The following C12orf42 variants were observed in gnomAD, a reference collection of about 807,000 sequenced individuals.
The protein encoded by C12orf42 is uncharacterized protein C12orf42.
A neutral mutation model predicts 21.6 loss-of-function variants in C12orf42; 25 were observed. The observed-to-expected ratio is 1.16, with a 90% confidence interval of 0.84 to 1.62. C12orf42 has a LOEUF of 1.62. Ranked by LOEUF, C12orf42 falls within the 40% of genes most tolerant of loss-of-function variation. C12orf42 has a pLI of 0.00. For missense variants in C12orf42, 483 were observed against 459.3 expected (o/e 1.05, Z -0.47); for synonymous variants, 174 against 175.0 (o/e 0.99, Z 0.05).
At chr12:103,141,537 T>TG in the C12orf42 span, among the ~76,000 whole-genome samples, 424 of 132,082 alleles carry the variant, frequency 3.2e-3, 3 homozygotes, top group African/African-American at 1.0e-3. Context: ...CACTTTTTTT[T>TG]TTTTTTTTTG....
intron 2 of C12orf42, among the ~76,000 whole-genome samples, chr12:103,431,690 T>C (rs1950278739): frequency 6.6e-6 from 1 of 152,248 alleles, no homozygotes; most frequent in Non-Finnish European, 1.5e-5. Flanking sequence ...GTATCATTAT[T>C]CTGTCATTCA....
intron 4 of C12orf42, among the ~76,000 whole-genome samples, chr12:103,294,616 G>GAA (rs1398741595): frequency 7.3e-6 from 1 of 137,214 alleles, no homozygotes; most frequent in Non-Finnish European, 1.6e-5. Context: ...AAGAAAGAAA[G>GAA]AAAGAAAGAA....
At chr12:103,091,756 G>A in the C12orf42 span, among the ~76,000 whole-genome samples, 1 of 152,020 alleles carries the variant, frequency 6.6e-6, no homozygotes, top group Non-Finnish European at 1.5e-5. Flanking sequence ...TTTTAGAAAC[G>A]CATTAAACAA....
intron 2 of C12orf42, among the ~76,000 whole-genome samples, chr12:103,423,551 A>T (rs1242549218): frequency 6.6e-6 from 1 of 152,172 alleles, no homozygotes; most frequent in East Asian, 1.9e-4. Flanking sequence ...CAAGTCTCCC[A>T]GTATTAATAC....
the C12orf42 span, among the ~76,000 whole-genome samples, chr12:103,103,753 T>G: frequency 6.6e-6 from 1 of 152,060 alleles, no homozygotes. Flanking sequence ...GTTATAAATA[T>G]TCAACATAAT....
At chr12:103,146,118 T>A in the C12orf42 span, among the ~76,000 whole-genome samples, 2 of 152,138 alleles carry the variant, frequency 1.3e-5, no homozygotes, top group Non-Finnish European at 2.9e-5. Context: ...CATACTACAA[T>A]AATATATATC....
chr12:103,148,731 C>T, the C12orf42 span, among the ~76,000 whole-genome samples: 93,245 of 152,026 alleles, frequency 0.61, 30,503 homozygotes, highest in East Asian at 0.86. Context: ...ATTTAAACAC[C>T]TAACTGTGGA....
intron 2 of C12orf42, among the ~76,000 whole-genome samples, chr12:103,460,223 A>G (rs1952598802): frequency 6.6e-6 from 1 of 152,034 alleles, no homozygotes; most frequent in Non-Finnish European, 1.5e-5. Flanking sequence ...TTGTTTGGTC[A>G]ACCCCTAGAG....
chr12:103,210,325 TTTTCCA>T, the C12orf42 span, among the ~76,000 whole-genome samples: 2 of 152,176 alleles, frequency 1.3e-5, no homozygotes, highest in Non-Finnish European at 2.9e-5. Flanking sequence ...ATCATTTCAT[TTTTCCA>T]TTTCCAAATT....
the C12orf42 span, among the ~76,000 whole-genome samples, chr12:103,171,516 A>G: frequency 3.9e-5 from 6 of 152,286 alleles, no homozygotes; most frequent in Non-Finnish European, 5.9e-5. Flanking sequence ...AATTGATTGG[A>G]TCTGAGAAAT....
the C12orf42 span, among the ~76,000 whole-genome samples, chr12:103,161,872 T>C: frequency 5.3e-5 from 8 of 152,148 alleles, no homozygotes; most frequent in Non-Finnish European, 8.8e-5. Context: ...ATAGCTTGAG[T>C]TTGATTTTGA....
the C12orf42 span, among the ~76,000 whole-genome samples, chr12:103,518,122 A>C: frequency 1.3e-5 from 2 of 152,212 alleles, no homozygotes; most frequent in Non-Finnish European, 2.9e-5. Context: ...AGATACACAG[A>C]TGTTACTTTG....
the C12orf42 span, among the ~76,000 whole-genome samples, chr12:103,090,259 C>T: frequency 1.7e-4 from 26 of 152,048 alleles, no homozygotes; most frequent in Non-Finnish European, 2.8e-4. Context: ...ACGTTTCTGG[C>T]GACACAGGGG....
chr12:103,095,308 T>C, the C12orf42 span, among the ~76,000 whole-genome samples: 4 of 152,216 alleles, frequency 2.6e-5, no homozygotes, highest in African/African-American at 9.6e-5. Context: ...CCTTGCCTGT[T>C]CTGCCTCCAG....
At chr12:103,190,797 G>C in the C12orf42 span, among the ~76,000 whole-genome samples, 3 of 152,156 alleles carry the variant, frequency 2.0e-5, no homozygotes, top group African/African-American at 7.2e-5. Context: ...TACATATTAT[G>C]GAATTCTCAG....
At chr12:103,116,740 C>A in the C12orf42 span, among the ~76,000 whole-genome samples, 1 of 152,146 alleles carries the variant, frequency 6.6e-6, no homozygotes, top group African/African-American at 2.4e-5. Flanking sequence ...GGTTCTTTAT[C>A]TATTGTAGTC....
chr12:103,286,847 G>A (rs934515338), intron 4 of C12orf42, among the ~76,000 whole-genome samples: 6 of 152,078 alleles, frequency 3.9e-5, no homozygotes, highest in East Asian at 3.9e-4. Context: ...TGTTGGGTAC[G>A]GTAAAGGGAG....
intron 2 of C12orf42, among the ~76,000 whole-genome samples, chr12:103,411,865 A>G (rs900759286): frequency 2.6e-5 from 4 of 152,174 alleles, no homozygotes; most frequent in Admixed American, 6.5e-5. Context: ...GCACACAAAC[A>G]CACACACACA....
At chr12:103,520,669 C>T in the C12orf42 span, among the ~76,000 whole-genome samples, 1 of 152,120 alleles carries the variant, frequency 6.6e-6, no homozygotes, top group South Asian at 2.1e-4. Context: ...AGTTGACAGT[C>T]AGACTCTGTC....
Sources: gnomAD v4.1 joint callset for allele counts (sites outside exome capture counted in the v4.1 genomes callset) on GRCh38, gnomAD v4.1.1 for gene constraint, MANE v1.5 for transcripts, NCBI Gene and HGNC (gene_info 2026-07-23, HGNC 2026-07-21) for gene names.